Variants in DLGAP1 observed in about 807,000 individuals in gnomAD.
The protein encoded by DLGAP1 is disks large-associated protein 1.
Under a neutral mutation model 90.8 loss-of-function variants are expected in DLGAP1, and 11 were observed. The observed-to-expected ratio is 0.12, with a 90% confidence interval of 0.08 to 0.20. The LOEUF is 0.20. Among genes scored for constraint, DLGAP1 ranks in the 10% least tolerant of loss-of-function variants. The pLI is 1.00. For synonymous variants in DLGAP1, 558 were observed against 540.7 expected (o/e 1.03, Z -0.44); for missense variants, 1,050 against 1,333.8 (o/e 0.79, Z 3.31).
Position 4,005,191 on chromosome 18 carries a change from A to T in DLGAP1, c.-148T>A, listed in dbSNP as rs1230049090. 1.3e-5 allele frequency: 2 copies of T among 152,136 alleles called. No homozygotes were observed. Among genetic ancestry groups the T allele is most frequent in the African/African-American group, 4.8e-5 (2 of 41,430 alleles). 9.4% of individuals were successfully genotyped at this position (152,136 alleles called of 1,614,324 possible). ...CTAGTGGCATTCAGTGGATCCCAGA[A>T]GAGATTTAGCCTGTTGGGAGCATAA... On this transcript the variant is annotated 5_prime_UTR_variant, in exon 3 of 13. Transcript: ENST00000315677.
intron 9 of DLGAP1, 79 bp from the exon 10 acceptor site, chr18:3,534,694 CTT>C (rs570549234): frequency 0.028 from 26,792 of 966,684 alleles, 41 homozygotes; most frequent in African/African-American, 0.079. Flanking sequence ...TCCTTTCTTT[CTT>C]TTTTTTTTTT....
intron 5 of DLGAP1, among the ~76,000 whole-genome samples, chr18:3,795,403 C>T (rs571705769): frequency 9.9e-5 from 15 of 152,228 alleles, no homozygotes; most frequent in Middle Eastern, 3.4e-3. Context: ...GCAACCTCCG[C>T]CCCCTGGGTT....
chr18:4,320,639 T>C (rs1350929091), intron 1 of DLGAP1, among the ~76,000 whole-genome samples: 2 of 152,146 alleles, frequency 1.3e-5, no homozygotes, highest in African/African-American at 2.4e-5. Flanking sequence ...TAATTCACTC[T>C]TGCCCTCATG....
chr18:4,089,806 G>T (rs1303781272), intron 2 of DLGAP1, among the ~76,000 whole-genome samples: 1 of 152,214 alleles, frequency 6.6e-6, no homozygotes, highest in East Asian at 1.9e-4. Flanking sequence ...AGCACTTTGG[G>T]AGGCCGAGGC....
intron 1 of DLGAP1, among the ~76,000 whole-genome samples, chr18:4,373,456 A>C (rs1421868966): frequency 1.3e-5 from 2 of 152,178 alleles, no homozygotes; most frequent in African/African-American, 4.8e-5. Context: ...AAGGGAATCC[A>C]AGGATGAATG....
rs570136380 is a variant in DLGAP1 at position 4,438,160 on chromosome 18, C to T, written c.-267+16846G>A. Among the ~76,000 whole-genome samples, 5 of 152,218 alleles carry T rather than the reference C, an allele frequency of 3.3e-5. No individual in the cohort carries two copies. The South Asian group carries it at 1.0e-3, about 32-fold the overall frequency. On this transcript the variant is annotated intron_variant, in intron 1 of 12. Coordinates refer to ENST00000315677, the MANE Select transcript of DLGAP1 (RefSeq NM_004746.4). ...GGGGCCCAGTGGTGTCACTTGTATACTTATTATGACATATTGCCAAATTTT... is the reference window on the plus strand; with the variant it reads ...GGGGCCCAGTGGTGTCACTTGTATATTTATTATGACATATTGCCAAATTTT...
At chr18:4,441,304 A>T (rs536262215) in intron 1 of DLGAP1, among the ~76,000 whole-genome samples, 1 of 152,346 alleles carries the variant, frequency 6.6e-6, no homozygotes, top group South Asian at 2.1e-4. Context: ...CAGGGCAAGC[A>T]GATGGTCACA....
At chr18:3,814,006 G>A (rs2066968552) in intron 5 of DLGAP1, 53 bp downstream of exon 5, 2 of 1,570,108 alleles carry the variant, frequency 1.3e-6, no homozygotes, top group African/African-American at 1.4e-5. Context: ...TCTGAGCCTC[G>A]GTGATAATAC....
intron 1 of DLGAP1, among the ~76,000 whole-genome samples, chr18:4,156,927 A>C (rs568700453): frequency 1.3e-5 from 2 of 152,328 alleles, no homozygotes; most frequent in South Asian, 4.1e-4. Context: ...AAAGGCATGG[A>C]TGGCTGAGAA....
At chr18:3,761,054 T>C (rs1002407748) in intron 5 of DLGAP1, among the ~76,000 whole-genome samples, 2 of 152,226 alleles carry the variant, frequency 1.3e-5, no homozygotes, top group African/African-American at 4.8e-5. Flanking sequence ...TCTCTGTCTT[T>C]CTCGTGCTCC....
rs541430665 is a variant in DLGAP1 at position 3,596,465 on chromosome 18, T to G, written c.1592-14217A>C. ...TTGAACCACCAAGCCCGGCCTGACA[T>G]TTTTCTTTTAAATCTTTTATCAACC... On this transcript the variant is annotated intron_variant, in intron 7 of 12. Coordinates refer to ENST00000315677, the MANE Select transcript of DLGAP1 (RefSeq NM_004746.4). 36 of 212,404 alleles carry G rather than the reference T, an allele frequency of 1.7e-4. 2 individuals carry two copies. In the South Asian group the frequency reaches 2.1e-3, roughly 12 times the overall value. 13.2% of individuals were successfully genotyped at this position (212,404 alleles called of 1,614,324 possible).
At chr18:3,911,362 T>C (rs530618139) in intron 3 of DLGAP1, among the ~76,000 whole-genome samples, 38 of 152,342 alleles carry the variant, frequency 2.5e-4, no homozygotes, top group African/African-American at 8.9e-4. Context: ...GGGAAGGGAA[T>C]AGAGGTATTA....
At chr18:4,149,620 G>A (rs993331641) in intron 2 of DLGAP1, among the ~76,000 whole-genome samples, 3 of 152,222 alleles carry the variant, frequency 2.0e-5, no homozygotes, top group South Asian at 2.1e-4. Flanking sequence ...GTGGGCCAGC[G>A]TGCATTACGG....
At chr18:4,216,300 C>G (rs1344336178) in intron 1 of DLGAP1, among the ~76,000 whole-genome samples, 1 of 152,050 alleles carries the variant, frequency 6.6e-6, no homozygotes, top group African/African-American at 2.4e-5. Flanking sequence ...TACCCCCCCC[C>G]CACCAGGTCC....
rs184881510 is a variant in DLGAP1 at position 3,658,375 on chromosome 18, C to T, written c.1591+70760G>A. Among the ~76,000 whole-genome samples the T allele has an allele frequency of 4.2e-4, 64 of 152,296 alleles. 1 individual carries two copies. The East Asian group carries it at 9.2e-3, about 22-fold the overall frequency. ...TGGCTCTTGCAAGCTGGTATGAACCCGCTTTAGGGCACCACTGCCATAACT... is the reference window on the plus strand; with the variant it reads ...TGGCTCTTGCAAGCTGGTATGAACCTGCTTTAGGGCACCACTGCCATAACT... On this transcript the variant is annotated intron_variant, in intron 7 of 12. Coordinates refer to ENST00000315677, the MANE Select transcript of DLGAP1 (RefSeq NM_004746.4).
intron 1 of DLGAP1, among the ~76,000 whole-genome samples, chr18:4,207,328 G>A (rs2077742240): frequency 6.6e-6 from 1 of 152,100 alleles, no homozygotes; most frequent in African/African-American, 2.4e-5. Context: ...ATTAGCTCTT[G>A]TGAGTACTTA....
chr18:3,981,990 C>T (rs1158819292), intron 3 of DLGAP1, among the ~76,000 whole-genome samples: 1 of 151,846 alleles, frequency 6.6e-6, no homozygotes, highest in Non-Finnish European at 1.5e-5. Context: ...ACTTTCTTTT[C>T]CTGATGGGTA....
intron 2 of DLGAP1, among the ~76,000 whole-genome samples, chr18:4,098,161 G>A (rs569604011): frequency 6.5e-4 from 99 of 152,262 alleles, no homozygotes; most frequent in African/African-American, 2.2e-3. Context: ...TGATCCTCCT[G>A]TCTCGGCCTC....
intron 5 of DLGAP1, among the ~76,000 whole-genome samples, chr18:3,759,952 G>T (rs1455109164): frequency 1.3e-5 from 2 of 152,206 alleles, no homozygotes. Flanking sequence ...CGGGGTGCCA[G>T]ACACTCAGGA....
Sources: allele counts gnomAD v4.1 joint callset (sites outside exome capture counted in the v4.1 genomes callset), GRCh38; gene constraint gnomAD v4.1.1; transcripts MANE v1.5; gene names NCBI Gene and HGNC (gene_info 2026-07-23, HGNC 2026-07-21).